CDH18: variants seen among roughly 807,000 people sequenced by gnomAD.
CDH18 encodes the protein cadherin-18.
A neutral mutation model predicts 67.9 loss-of-function variants in CDH18; 31 were observed. The ratio of observed to expected loss-of-function variants is 0.46; its 90% confidence interval spans 0.34 to 0.62. The LOEUF (loss-of-function observed/expected upper bound fraction) is 0.62, where lower values mean the gene tolerates loss of function less well. CDH18 is among the 20% of genes least tolerant of loss of function. CDH18 has a pLI of 0.01. For missense variants in CDH18, 890 were observed against 975.5 expected (o/e 0.91, Z 1.17); for synonymous variants, 362 against 347.2 (o/e 1.04, Z -0.48).
intron 2 of CDH18, among the ~76,000 whole-genome samples, chr5:20,054,385 T>C (rs1465944316): frequency 1.3e-5 from 2 of 152,190 alleles, no homozygotes; most frequent in African/African-American, 2.4e-5. Flanking sequence ...TTCTATCTTA[T>C]ACCTTTTCTT....
intron 11 of CDH18, among the ~76,000 whole-genome samples, chr5:19,485,474 C>T (rs2126616671): frequency 6.6e-6 from 1 of 152,218 alleles, no homozygotes; most frequent in South Asian, 2.1e-4. Flanking sequence ...CCAGGATGGT[C>T]TCGATCTCCT....
chr5:19,929,043 C>G (rs1451278566), intron 2 of CDH18, among the ~76,000 whole-genome samples: 2 of 151,942 alleles, frequency 1.3e-5, no homozygotes, highest in East Asian at 3.9e-4. Context: ...CCATAATATT[C>G]CTTGAGAGTT....
rs557437104 is a variant in CDH18 at position 20,352,750 on chromosome 5, G to A, written c.-579-97245C>T. Among the ~76,000 whole-genome samples, 462 of 151,888 alleles carry A rather than the reference G, an allele frequency of 3.0e-3. 8 individuals carry two copies. Among genetic ancestry groups the A allele is most frequent in the African/African-American group, 0.011 (442 of 41,422 alleles). On this transcript the variant is annotated intron_variant, in intron 1 of 14. Coordinates refer to the CDH18 transcript ENST00000507958. ...AGAGCTTGCAGTGAGCCAAGATGGCGCCACTGCACTGTAGCCTGGGCGATA... is the reference window on the plus strand; with the variant it reads ...AGAGCTTGCAGTGAGCCAAGATGGCACCACTGCACTGTAGCCTGGGCGATA...
At chr5:19,572,887 A>G (rs74483258) in intron 7 of CDH18, among the ~76,000 whole-genome samples, 2,702 of 152,252 alleles carry the variant, frequency 0.018, 84 homozygotes, top group African/African-American at 0.062. Context: ...AATGATCAGT[A>G]CTATAATACT....
At chr5:19,938,132 G>A (rs897033559) in intron 2 of CDH18, among the ~76,000 whole-genome samples, 4 of 150,354 alleles carry the variant, frequency 2.7e-5, no homozygotes, top group South Asian at 2.1e-4. Flanking sequence ...GAGATTTAGA[G>A]GGTGTATACT....
At chr5:19,983,874 T>C (rs1223223691) in intron 1 of CDH18, among the ~76,000 whole-genome samples, 3 of 152,194 alleles carry the variant, frequency 2.0e-5, no homozygotes, top group African/African-American at 7.2e-5. Flanking sequence ...AGGGATTATT[T>C]AAATAAATAG....
At chr5:19,804,120 CAAA>C (rs772336170) in intron 3 of CDH18, 13 of 70,462 alleles carry the variant, frequency 1.8e-4, no homozygotes, top group Admixed American at 3.5e-4. Context: ...GACTTTGTCT[CAAA>C]AAAAAAAAAA....
chr5:20,457,989 T>A (rs918998452), intron 1 of CDH18, among the ~76,000 whole-genome samples: 1 of 152,180 alleles, frequency 6.6e-6, no homozygotes, highest in African/African-American at 2.4e-5. Flanking sequence ...AAGAAAATTA[T>A]CTTCAAGTTG....
At chr5:20,468,097 CTCTG>C (rs1751784826) in intron 1 of CDH18, among the ~76,000 whole-genome samples, 1 of 151,998 alleles carries the variant, frequency 6.6e-6, no homozygotes, top group East Asian at 1.9e-4. Flanking sequence ...TCACTGCAAC[CTCTG>C]TCTGTCAGGT....
intron 5 of CDH18, among the ~76,000 whole-genome samples, chr5:19,705,630 A>T (rs1190275158): frequency 1.3e-5 from 2 of 152,188 alleles, no homozygotes; most frequent in Non-Finnish European, 2.9e-5. Context: ...ATTGTTCAAG[A>T]GCAGGATCTT....
At chr5:20,050,979 G>A (rs547109742) in intron 2 of CDH18, among the ~76,000 whole-genome samples, 2 of 151,808 alleles carry the variant, frequency 1.3e-5, no homozygotes, top group South Asian at 2.1e-4. Flanking sequence ...TTAAGACCAT[G>A]AGTCAGAAAA....
Position 19,489,982 on chromosome 5 carries a change from G to GT in CDH18, c.1631-6431dup, listed in dbSNP as rs879418524. Among the ~76,000 whole-genome samples, 16 of 151,974 alleles carry GT rather than the reference G, an allele frequency of 1.1e-4. 1 individual carries two copies. In the East Asian group the frequency reaches 2.5e-3, roughly 24 times the overall value. ...TGCAGAAGTAGAGATAAGAACAGCT[G>GT]TTTTTTTAAAACAAATATAGGAGTC... On this transcript the variant is annotated intron_variant, in intron 11 of 12. Transcript: ENST00000382275.
At chr5:20,193,534 G>C (rs191546796) in intron 2 of CDH18, among the ~76,000 whole-genome samples, 1 of 152,134 alleles carries the variant, frequency 6.6e-6, no homozygotes, top group African/African-American at 2.4e-5. Context: ...CAGTCCTTCT[G>C]AAACTATTCC....
At position 19,811,152 on chromosome 5, in the gene CDH18, A is replaced by C. The variant is rs1193003942; in HGVS notation, c.228+27607T>G. Reference sequence around the variant, plus strand: ...AAAGAAAGAAAGAAAGAAAGAAAGAAAGAAAGAAGGAGAGAAAGAAAGAGA... The same window carrying C: ...AAAGAAAGAAAGAAAGAAAGAAAGACAGAAAGAAGGAGAGAAAGAAAGAGA... On this transcript the variant is annotated intron_variant, in intron 3 of 12. Transcript: ENST00000382275. Among the ~76,000 whole-genome samples, 304 of 37,478 alleles carry C rather than the reference A, an allele frequency of 8.1e-3. 5 individuals are homozygous for C. The highest frequency in any genetic ancestry group is 0.043 in the Middle Eastern group (3 of 70). 24.6% of individuals were successfully genotyped at this position (37,478 alleles called of 152,430 possible).
At chr5:19,956,210 C>T (rs2150283443) in intron 2 of CDH18, among the ~76,000 whole-genome samples, 1 of 152,040 alleles carries the variant, frequency 6.6e-6, no homozygotes, top group African/African-American at 2.4e-5. Flanking sequence ...AGTTGAAAGC[C>T]AATTCTATGT....
intron 2 of CDH18, among the ~76,000 whole-genome samples, chr5:20,036,288 T>C (rs894595538): frequency 6.6e-5 from 10 of 151,950 alleles, no homozygotes; most frequent in Non-Finnish European, 1.2e-4. Flanking sequence ...ATGTGCACAA[T>C]GGAAAACTGT....
At chr5:20,449,219 A>G (rs1750241688) in intron 1 of CDH18, among the ~76,000 whole-genome samples, 1 of 152,164 alleles carries the variant, frequency 6.6e-6, no homozygotes, top group Non-Finnish European at 1.5e-5. Context: ...TCTAATTTCT[A>G]TCATAAGTAA....
intron 1 of CDH18, among the ~76,000 whole-genome samples, chr5:20,444,015 A>G (rs574112113): frequency 6.6e-6 from 1 of 152,080 alleles, no homozygotes; most frequent in East Asian, 1.9e-4. Context: ...GTAGGCATCA[A>G]TTTTCACATT....
intron 2 of CDH18, among the ~76,000 whole-genome samples, chr5:20,118,816 AT>A (rs1748123989): frequency 6.6e-6 from 1 of 151,946 alleles, no homozygotes; most frequent in Non-Finnish European, 1.5e-5. Context: ...AGAACTCATT[AT>A]TTTTTTCCAT....
Sources: gnomAD v4.1 joint callset for allele counts (sites outside exome capture counted in the v4.1 genomes callset) on GRCh38, gnomAD v4.1.1 for gene constraint, MANE v1.5 for transcripts, NCBI Gene and HGNC (gene_info 2026-07-23, HGNC 2026-07-21) for gene names.